CSMD1: variants seen among roughly 807,000 people sequenced by gnomAD.
CSMD1 encodes the protein CUB and Sushi multiple domains 1.
In CSMD1, 213 loss-of-function variants were observed where a neutral mutation model predicts 417.5. The ratio of observed to expected loss-of-function variants is 0.51; its 90% CI spans 0.46 to 0.57. CSMD1 has a LOEUF of 0.57. CSMD1 is among the 20% of genes least tolerant of loss of function. CSMD1 has a pLI of 0.00. For missense variants in CSMD1, 6,923 were observed against 4,529.7 expected, an observed-to-expected ratio of 1.53 and a Z score of -15.17; for synonymous variants, 2,862 against 1,736.8, an observed-to-expected ratio of 1.65 and a Z score of -16.11.
At chr8:3,558,102 T>A (rs1003251739) in intron 10 of CSMD1, among the ~76,000 whole-genome samples, 1 of 149,906 alleles carries the variant, frequency 6.7e-6, no homozygotes, top group Non-Finnish European at 1.5e-5. Context: ...ACTCCTCCAA[T>A]GATGAATGGT....
At chr8:3,018,780 T>A (rs982033539) in intron 51 of CSMD1, 130 bp from the exon 52 acceptor site, 2 of 782,112 alleles carry the variant, frequency 2.6e-6, no homozygotes, top group Non-Finnish European at 2.0e-6. Flanking sequence ...ACTAAGAACA[T>A]GGTTGAGAGT....
Position 3,459,961 on chromosome 8 carries a change from G to C in CSMD1, c.1561+8751C>G, listed in dbSNP as rs553421637. On this transcript the variant is annotated intron_variant, in intron 12 of 69. Coordinates refer to ENST00000635120, the MANE Select transcript of CSMD1 (RefSeq NM_033225.6). ...AAAAATCTAAACAGTCCAGAAACTGGCTAAGACACTCACTCACATTTTGCA... is the reference window on the plus strand; with the variant it reads ...AAAAATCTAAACAGTCCAGAAACTGCCTAAGACACTCACTCACATTTTGCA... Among the ~76,000 whole-genome samples the C allele has an allele frequency of 3.9e-5, 6 of 152,258 alleles. No individual in the cohort carries two copies. The East Asian group carries it at 1.2e-3, about 29-fold the overall frequency.
intron 7 of CSMD1, among the ~76,000 whole-genome samples, chr8:3,673,620 T>C (rs1799203945): frequency 6.6e-6 from 1 of 152,246 alleles, no homozygotes; most frequent in Non-Finnish European, 1.5e-5. Context: ...CTCAGCCTGT[T>C]TGACCTAACG....
chr8:4,360,808 A>T (rs1053088583), intron 3 of CSMD1, among the ~76,000 whole-genome samples: 4 of 151,516 alleles, frequency 2.6e-5, no homozygotes, highest in African/African-American at 7.3e-5. Flanking sequence ...GGGGTTCGTA[A>T]TCTCACAGTT....
chr8:4,899,713 T>C (rs1804741058), intron 1 of CSMD1, among the ~76,000 whole-genome samples: 1 of 152,214 alleles, frequency 6.6e-6, no homozygotes, highest in South Asian at 2.1e-4. Flanking sequence ...AAATTTCTAA[T>C]CATATCTCAC....
chr8:4,202,912 C>G (rs1005218574), intron 3 of CSMD1, among the ~76,000 whole-genome samples: 1 of 152,104 alleles, frequency 6.6e-6, no homozygotes, highest in African/African-American at 2.4e-5. Context: ...GTGTGGACAC[C>G]TGGAGTGAGG....
intron 28 of CSMD1, among the ~76,000 whole-genome samples, chr8:3,221,309 G>A (rs939438916): frequency 1.3e-5 from 2 of 152,182 alleles, no homozygotes; most frequent in African/African-American, 4.8e-5. Context: ...CAAGTTCACT[G>A]ACGTCAGGAA....
In CSMD1 at chr8:4,032,888, G is replaced by C. The variant is rs75584549; in HGVS notation, c.416-789C>G. 2.5e-3 allele frequency among the ~76,000 whole-genome samples: 374 copies of C among 152,184 alleles called. 1 individual carries two copies. The highest frequency in any genetic ancestry group is 8.9e-3 in the African/African-American group (368 of 41,504). On this transcript the variant is annotated intron_variant, in intron 3 of 69. Transcript: ENST00000635120. Reference sequence around the variant, plus strand: ...TGAAAAACTAGGTCAGGCCGTGGTGGGATGGGGCAGTCAGACATGCCTCAT... The same window carrying C: ...TGAAAAACTAGGTCAGGCCGTGGTGCGATGGGGCAGTCAGACATGCCTCAT...
chr8:3,050,856 C>G (rs939797954), intron 50 of CSMD1, among the ~76,000 whole-genome samples: 1 of 152,038 alleles, frequency 6.6e-6, no homozygotes, highest in African/African-American at 2.4e-5. Flanking sequence ...CAAAAAGAAG[C>G]CAATGATCTG....
intron 40 of CSMD1, among the ~76,000 whole-genome samples, chr8:3,144,360 T>C (rs1461707579): frequency 6.6e-6 from 1 of 152,062 alleles, no homozygotes; most frequent in Non-Finnish European, 1.5e-5. Context: ...GTTTGTATTA[T>C]GTTCAACCTA....
At chr8:4,038,228 T>C (rs1042761516) in intron 3 of CSMD1, among the ~76,000 whole-genome samples, 1 of 152,114 alleles carries the variant, frequency 6.6e-6, no homozygotes, top group African/African-American at 2.4e-5. Flanking sequence ...TGTAAAAATT[T>C]TAATGGGAAC....
rs3056569 is a variant in CSMD1, at chr8:4,427,488, T to TAC, written c.303-7425_303-7424dup. Among the ~76,000 whole-genome samples, 402 of 149,866 alleles carry TAC rather than the reference T, an allele frequency of 2.7e-3. 5 individuals carry two copies. The highest frequency in any genetic ancestry group is 0.025 in the East Asian group (125 of 5,002). ...AAAGTTCAGAAGAGACTTAATCAAATACACACACACACACACACACACACA... is the reference window on the plus strand; with the variant it reads ...AAAGTTCAGAAGAGACTTAATCAAATACACACACACACACACACACACACACA... On this transcript the variant is annotated intron_variant, in intron 2 of 69. Coordinates refer to ENST00000635120, the MANE Select transcript of CSMD1 (RefSeq NM_033225.6).
chr8:2,951,660 A>G (rs935407790), intron 65 of CSMD1, among the ~76,000 whole-genome samples: 23 of 152,158 alleles, frequency 1.5e-4, no homozygotes, highest in African/African-American at 5.3e-4. Flanking sequence ...TGATATTTCA[A>G]TGATATCCAA....
chr8:4,519,383 A>T (rs1296040224), intron 2 of CSMD1, among the ~76,000 whole-genome samples: 1 of 152,186 alleles, frequency 6.6e-6, no homozygotes, highest in Non-Finnish European at 1.5e-5. Flanking sequence ...AAAAGTAAAC[A>T]TAAAAATAAA....
chr8:4,088,647 G>C (rs554609792), intron 3 of CSMD1, among the ~76,000 whole-genome samples: 2 of 152,180 alleles, frequency 1.3e-5, no homozygotes, highest in South Asian at 4.2e-4. Context: ...AAAGCCCAAA[G>C]TCATTGTCTT....
At chr8:4,689,832 G>C (rs939834230) in intron 1 of CSMD1, among the ~76,000 whole-genome samples, 2 of 152,072 alleles carry the variant, frequency 1.3e-5, no homozygotes, top group East Asian at 1.9e-4. Context: ...TCCCTTTCTG[G>C]TGCCTTTAAT....
intron 2 of CSMD1, among the ~76,000 whole-genome samples, chr8:4,428,324 C>G (rs1231326734): frequency 1.3e-5 from 2 of 152,174 alleles, no homozygotes; most frequent in Admixed American, 1.3e-4. Context: ...AGTCCCAACA[C>G]CTTTCTCTAT....
intron 4 of CSMD1, among the ~76,000 whole-genome samples, chr8:4,001,660 A>G (rs940115417): frequency 1.3e-5 from 2 of 152,110 alleles, no homozygotes; most frequent in African/African-American, 2.4e-5. Context: ...GACACTTACT[A>G]TCTACATTTT....
intron 3 of CSMD1, among the ~76,000 whole-genome samples, chr8:4,370,415 C>T (rs1207956025): frequency 6.6e-6 from 1 of 152,026 alleles, no homozygotes; most frequent in Non-Finnish European, 1.5e-5. Flanking sequence ...ATGATATTGT[C>T]TTGGAAAGGG....
Sources: gnomAD v4.1 joint callset for allele counts (sites outside exome capture counted in the v4.1 genomes callset) on GRCh38, gnomAD v4.1.1 for gene constraint, MANE v1.5 for transcripts, NCBI Gene and HGNC (gene_info 2026-07-23, HGNC 2026-07-21) for gene names.